ESCO1: variants seen among roughly 807,000 people sequenced by gnomAD.
ESCO1 encodes establishment of sister chromatid cohesion N-acetyltransferase 1.
ESCO1 carries 33 observed loss-of-function variants against 83.5 expected under a neutral mutation model. The ratio of observed to expected loss-of-function variants is 0.40; its 90% CI spans 0.30 to 0.53. The LOEUF (loss-of-function observed/expected upper bound fraction) is 0.53, where lower values mean the gene tolerates loss of function less well. ESCO1 is among the 20% of genes least tolerant of loss of function. The pLI, the probability that ESCO1 is intolerant of heterozygous loss-of-function variation, is 0.63. For synonymous variants in ESCO1, 332 were observed against 324.3 expected (o/e 1.02, Z -0.25); for missense variants, 855 against 968.0 (o/e 0.88, Z 1.55).
At position 21,530,507 on chromosome 18, in the gene ESCO1, G is replaced by GA; in HGVS notation, c.2376-18_2376-17insT. ...AAGTTACTCCTATTAAAAAAAAATG[G>GA]GGGGGGGGAAGGGTTAAGTGTGAAA... On this transcript the variant is annotated splice_polypyrimidine_tract_variant and intron_variant, in intron 11 of 11. Coordinates refer to ENST00000269214, the MANE Select transcript of ESCO1 (RefSeq NM_052911.3). 1 of 1,156,114 alleles carries GA rather than the reference G, an allele frequency of 8.6e-7. No homozygotes were observed. The highest frequency in any genetic ancestry group is 3.9e-5 in the African/African-American group (1 of 25,432). The allele number at this position is 1,156,114 out of a possible 1,614,324, so 71.6% of individuals were successfully genotyped here.
In ESCO1 at chr18:21,536,022, A is replaced by T. The variant is rs1157831378; in HGVS notation, c.2187+20T>A. The stretch of plus-strand genomic sequence containing the variant: ...CTCATTAAACACCAAATTACTTAAG[A>T]ACACTCTTTTATCACTTACCCATTG... On this transcript the variant is annotated intron_variant, in intron 10 of 11. Transcript: ENST00000269214. 6.2e-7 allele frequency: 1 copy of T among 1,610,006 alleles called. No homozygotes were observed. The highest frequency in any genetic ancestry group is 2.2e-5 in the East Asian group (1 of 44,822).
intron 1 of ESCO1, among the ~76,000 whole-genome samples, chr18:21,584,645 ACT>A (rs1021895628): frequency 9.2e-5 from 14 of 151,568 alleles, no homozygotes; most frequent in East Asian, 1.9e-4. Flanking sequence ...ACATGATGAA[ACT>A]CTGTCTCTTC....
chr18:21,544,367 G>A (rs2037944191), intron 8 of ESCO1, among the ~76,000 whole-genome samples: 1 of 152,006 alleles, frequency 6.6e-6, no homozygotes, highest in Admixed American at 6.6e-5. Flanking sequence ...AGCACTTTTG[G>A]GGGCCAAGGC....
At chr18:21,591,337 G>A (rs2038664929) in intron 1 of ESCO1, among the ~76,000 whole-genome samples, 1 of 152,160 alleles carries the variant, frequency 6.6e-6, no homozygotes, top group Non-Finnish European at 1.5e-5. Context: ...ATGAGGCAAG[G>A]AACAAATTTA....
rs577926531 is a variant in ESCO1, at chr18:21,536,389, C to T, written c.2044-204G>A. 7.9e-5 allele frequency among the ~76,000 whole-genome samples: 12 copies of T among 151,950 alleles called. No homozygotes were observed. The South Asian group carries it at 1.0e-3, about 13-fold the overall frequency. On this transcript the variant is annotated intron_variant, in intron 9 of 11. Transcript: ENST00000269214. The stretch of plus-strand genomic sequence containing the variant: ...TGGATTGCCTGAGCTCAGGAGTTCA[C>T]GACCAGCCTGGGCAACATGGTGAAA...
chr18:21,555,245 T>C (rs2038098633), intron 8 of ESCO1, among the ~76,000 whole-genome samples: 1 of 152,170 alleles, frequency 6.6e-6, no homozygotes, highest in Non-Finnish European at 1.5e-5. Flanking sequence ...AGAACAGTGG[T>C]TGGCAGGGGT....
intron 4 of ESCO1, among the ~76,000 whole-genome samples, chr18:21,570,940 C>T (rs2038332203): frequency 6.6e-6 from 1 of 150,540 alleles, no homozygotes; most frequent in Non-Finnish European, 1.5e-5. Flanking sequence ...TGCACCACTG[C>T]ACTCCAGCCG....
intron 8 of ESCO1, among the ~76,000 whole-genome samples, chr18:21,560,270 A>G (rs2146197347): frequency 6.6e-6 from 1 of 152,074 alleles, no homozygotes; most frequent in South Asian, 2.1e-4. Flanking sequence ...TTATGCCTAA[A>G]ATGCACTTCC....
chr18:21,572,664 G>C (rs143972859), intron 4 of ESCO1, among the ~76,000 whole-genome samples: 44 of 152,180 alleles, frequency 2.9e-4, no homozygotes, highest in African/African-American at 9.9e-4. Flanking sequence ...TAATATTTAG[G>C]TCAAAAGTAG....
chr18:21,594,304 G>C (rs556291114), intron 1 of ESCO1, among the ~76,000 whole-genome samples: 1 of 152,314 alleles, frequency 6.6e-6, no homozygotes, highest in South Asian at 2.1e-4. Context: ...ATATATTCAG[G>C]TTTCTGTAAG....
intron 8 of ESCO1, among the ~76,000 whole-genome samples, chr18:21,558,087 C>T (rs1423225933): frequency 1.3e-5 from 2 of 151,458 alleles, no homozygotes; most frequent in Non-Finnish European, 1.5e-5. Flanking sequence ...TGAGCTCAAG[C>T]GATCCTCCCA....
intron 1 of ESCO1, among the ~76,000 whole-genome samples, chr18:21,589,419 T>C (rs528459583): frequency 5.9e-5 from 9 of 152,078 alleles, no homozygotes; most frequent in Non-Finnish European, 8.8e-5. Flanking sequence ...TTTTCTTTGT[T>C]ATTTATTTAT....
chr18:21,565,485 G>T (rs946978710), intron 6 of ESCO1, among the ~76,000 whole-genome samples: 8 of 152,210 alleles, frequency 5.3e-5, no homozygotes, highest in African/African-American at 1.9e-4. Flanking sequence ...CTATAGCTAT[G>T]AGATACAGAC....
chr18:21,540,251 A>G (rs764149329), intron 8 of ESCO1, among the ~76,000 whole-genome samples: 6 of 152,176 alleles, frequency 3.9e-5, no homozygotes, highest in Non-Finnish European at 7.3e-5. Flanking sequence ...ATCTAATACC[A>G]CAAGAGTATT....
chr18:21,575,125 G>A lies in ESCO1; in HGVS notation c.-282C>T. ...GGAAAATTTTGATTATTTTTAATAA[G>A]TTTTTTTATCAAAAGAAATTTAATT... On this transcript the variant is annotated 5_prime_UTR_variant, in exon 4 of 12. Coordinates refer to ENST00000269214, the MANE Select transcript of ESCO1 (RefSeq NM_052911.3). 2.7e-6 allele frequency: 1 copy of A among 366,024 alleles called. No individual in the cohort carries two copies. Among genetic ancestry groups the A allele is most frequent in the Non-Finnish European group, 4.8e-6 (1 of 207,482 alleles). 22.7% of individuals were successfully genotyped at this position (366,024 alleles called of 1,614,324 possible).
In ESCO1 at chr18:21,566,167, G is replaced by A. The variant is rs140388909; in HGVS notation, c.1685C>T (p.Thr562Ile). The A allele has an allele frequency of 6.2e-7, 1 of 1,613,176 alleles. No individual in the cohort carries two copies. Among genetic ancestry groups the A allele is most frequent in the Non-Finnish European group, 8.5e-7 (1 of 1,179,582 alleles). Residue 562 changes from threonine to isoleucine, a missense_variant, in exon 6 of 12, where the codon ACA (threonine) becomes ATA (isoleucine). Physicochemically the swap from Thr to Ile is moderately conservative, Grantham distance 89. Transcript: ENST00000269214. Reference sequence around the variant, plus strand: ...TTACCTGTTATCACTGCTTTTAGATGTCTGGTTACTGAGAATACTATGCTG... The same window carrying A: ...TTACCTGTTATCACTGCTTTTAGATATCTGGTTACTGAGAATACTATGCTG... Reference protein sequence around the residue: ...PQQHSILSNQTSKSSDNRETP... With the variant: ...PQQHSILSNQISKSSDNRETP...
intron 2 of ESCO1, among the ~76,000 whole-genome samples, chr18:21,579,792 GCGCACACACACACACACACACACACA>G (rs1302787889): frequency 1.2e-4 from 16 of 134,992 alleles, no homozygotes; most frequent in African/African-American, 3.8e-4. Context: ...ACACGCGCGC[GCGCACACACACACACACACACACACA>G]CACACACACA....
At chr18:21,554,509 A>G (rs1003024308) in intron 8 of ESCO1, among the ~76,000 whole-genome samples, 8 of 152,164 alleles carry the variant, frequency 5.3e-5, no homozygotes, top group Admixed American at 1.3e-4. Context: ...GCTCATGCCT[A>G]TAATGCCAAC....
chr18:21,529,380 C>T lies in ESCO1; in HGVS notation c.*963G>A, dbSNP rs1011553280. On this transcript the variant is annotated 3_prime_UTR_variant, in exon 12 of 12. Transcript: ENST00000269214. Reference sequence around the variant, plus strand: ...GTCATAAAAGGCCACAGCAGTTTTTCAACATATAAACCCTTTAAAAGTAGA... The same window carrying T: ...GTCATAAAAGGCCACAGCAGTTTTTTAACATATAAACCCTTTAAAAGTAGA... 6 of 152,400 alleles carry T rather than the reference C, an allele frequency of 3.9e-5. No individual in the cohort carries two copies. Among genetic ancestry groups the T allele is most frequent in the African/African-American group, 1.4e-4 (6 of 41,402 alleles). The allele number at this position is 152,400 out of a possible 1,614,324, so 9.4% of individuals were successfully genotyped here.
Sources: gnomAD v4.1 joint callset for allele counts (sites outside exome capture counted in the v4.1 genomes callset) on GRCh38, gnomAD v4.1.1 for gene constraint, MANE v1.5 for transcripts, NCBI Gene and HGNC (gene_info 2026-07-23, HGNC 2026-07-21) for gene names.